Variants in MYO9A observed in about 807,000 individuals in gnomAD.
MYO9A encodes myosin IXA.
A neutral mutation model predicts 293.3 loss-of-function variants in MYO9A; 103 were observed. The ratio of observed to expected loss-of-function variants is 0.35; its 90% CI spans 0.30 to 0.41. The LOEUF (loss-of-function observed/expected upper bound fraction) is 0.41, where lower values mean the gene tolerates loss of function less well. Among genes scored for constraint, MYO9A ranks in the 10% least tolerant of loss-of-function variants. The pLI, the probability that MYO9A is intolerant of heterozygous loss-of-function variation, is 1.00. For missense variants in MYO9A, 2,685 were observed against 3,033.0 expected, an observed-to-expected ratio of 0.89 and a Z score of 2.69; for synonymous variants, 1,001 against 1,035.7, an observed-to-expected ratio of 0.97 and a Z score of 0.64.
At chr15:71,935,256 C>T in intron 17 of MYO9A, 85 bp downstream of exon 17, 1 of 1,359,652 alleles carries the variant, frequency 7.4e-7, no homozygotes, top group Non-Finnish European at 1.0e-6. Flanking sequence ...CACCATCTTC[C>T]TTCTTCATTT....
intron 32 of MYO9A, among the ~76,000 whole-genome samples, chr15:71,867,586 G>T (rs578141216): frequency 1.0e-3 from 144 of 143,964 alleles, no homozygotes; most frequent in African/African-American, 3.6e-3. Flanking sequence ...AACAAAAACA[G>T]ACTGCAGTTA....
At chr15:71,984,042 G>A (rs2076346868) in intron 11 of MYO9A, among the ~76,000 whole-genome samples, 3 of 152,316 alleles carry the variant, frequency 2.0e-5, no homozygotes, top group Admixed American at 1.3e-4. Flanking sequence ...AGATGTCCCT[G>A]ACTTACGATG....
chr15:71,906,385 T>G (rs865894149), intron 19 of MYO9A, among the ~76,000 whole-genome samples: 3 of 152,232 alleles, frequency 2.0e-5, no homozygotes, highest in Admixed American at 2.0e-4. Flanking sequence ...CTACTTACCC[T>G]GTCAATTACC....
chr15:72,006,728 A>G (rs757266003), intron 8 of MYO9A, among the ~76,000 whole-genome samples: 16 of 152,234 alleles, frequency 1.1e-4, no homozygotes, highest in Non-Finnish European at 1.9e-4. Context: ...AATGTAGACC[A>G]TGACAAGAAA....
chr15:71,889,566 C>T (rs1376617766), intron 26 of MYO9A: 1 of 150,964 alleles, frequency 6.6e-6, no homozygotes, highest in Non-Finnish European at 1.5e-5. Flanking sequence ...AGTTATCCTC[C>T]TGCCTCAGCC....
At position 71,823,902 on chromosome 15, in the gene MYO9A, G is replaced by GTGAT. The variant is rs2054364268; in HGVS notation, c.*2674_*2677dup. ...ATATTAAGGGCTAACAGTTTCATAA[G>GTGAT]TGATTGTAATGCGGCATCACTTTGT... is the stretch of plus-strand genomic sequence containing the variant. On this transcript the variant is annotated 3_prime_UTR_variant, in exon 42 of 42. Transcript: ENST00000356056. 6.6e-6 allele frequency: 1 copy of GTGAT among 152,248 alleles called. No homozygotes were observed. Among genetic ancestry groups the GTGAT allele is most frequent in the South Asian group, 2.1e-4 (1 of 4,832 alleles). 9.4% of individuals were successfully genotyped at this position (152,248 alleles called of 1,614,324 possible).
chr15:72,015,749 G>A (rs535856273), intron 6 of MYO9A, among the ~76,000 whole-genome samples: 10 of 147,618 alleles, frequency 6.8e-5, no homozygotes, highest in Middle Eastern at 3.6e-3. Flanking sequence ...GTGCAGTGGC[G>A]TGATCTCGGC....
rs2056753739 is a variant in MYO9A at position 71,878,209 on chromosome 15, C to T, written c.5762G>A (p.Arg1921Gln). The change falls in exon 31 of 42, where the codon CGG becomes CAG. Residue 1921 changes from arginine (R) to glutamine (Q), a missense_variant. Around this residue, in one of 10 missense-constraint regions of MYO9A, gnomAD observed 1,434 missense variants for 1,497.7 expected, o/e 0.96. Transcript: ENST00000356056. ...ALAMDDGKSI[R>Q]YKDLYALFEQ... is the part of the protein sequence containing the mutation. ...AAATAGTGCATAGAGGTCTTTATAC[C>T]GTATGCTTTTCCCATCATCCATCTA... is the stretch of plus-strand genomic sequence containing the variant. The T allele has an allele frequency of 1.9e-6, 3 of 1,554,754 alleles. No homozygotes were observed. Among genetic ancestry groups the T allele is most frequent in the African/African-American group, 1.4e-5 (1 of 71,904 alleles).
intron 14 of MYO9A, among the ~76,000 whole-genome samples, chr15:71,956,812 T>C (rs2059208788): frequency 1.4e-5 from 2 of 146,852 alleles, no homozygotes; most frequent in Non-Finnish European, 3.0e-5. Context: ...GCTATATATA[T>C]ATGCTATATA....
intron 3 of MYO9A, among the ~76,000 whole-genome samples, chr15:72,029,275 C>T (rs2077786507): frequency 6.6e-6 from 1 of 152,222 alleles, no homozygotes; most frequent in African/African-American, 2.4e-5. Context: ...TATCACTTAA[C>T]TACAGAGGTA....
chr15:71,880,598 TAA>T, intron 28 of MYO9A, 40 bp from the exon 29 acceptor site: 1 of 1,510,262 alleles, frequency 6.6e-7, no homozygotes, highest in South Asian at 1.2e-5. Context: ...ACACATTTAG[TAA>T]ATATATTGAT....
At chr15:71,859,933 T>C (rs1162234380) in intron 33 of MYO9A, 137 bp from the exon 34 acceptor site, 1 of 630,980 alleles carries the variant, frequency 1.6e-6, no homozygotes, top group African/African-American at 1.8e-5. Context: ...ACATACTTTG[T>C]ACAATGGTGT....
At position 71,959,916 on chromosome 15, in the gene MYO9A, T is replaced by G. The variant is rs368045320; in HGVS notation, c.2167A>C (p.Ile723Leu). Residue 723 changes from isoleucine to leucine, a missense_variant, in exon 14 of 42, where the codon ATT becomes CTT. By Grantham distance (5) the Ile-to-Leu change is conservative (BLOSUM62 2). Transcript: ENST00000356056. ...VAFREAGKRN[I>L]HRKTGHDDTA... ...TACTACTTACCAGTTTTTCTGTGAA[T>G]GTTTCTTTTCCCAGCTTCCCTGAAA... The G allele has an allele frequency of 6.2e-7, 1 of 1,612,756 alleles. No individual in the cohort carries two copies. Among genetic ancestry groups the G allele is most frequent in the African/African-American group, 1.3e-5 (1 of 74,866 alleles).
At chr15:71,828,104 G>A in intron 40 of MYO9A, 78 bp from the exon 41 acceptor site, 1 of 1,490,212 alleles carries the variant, frequency 6.7e-7, no homozygotes, top group South Asian at 1.3e-5. Flanking sequence ...ATCCTCCATG[G>A]AAGTCAGGAA....
chr15:71,951,221 T>C (rs543504308), intron 15 of MYO9A, among the ~76,000 whole-genome samples: 1 of 152,278 alleles, frequency 6.6e-6, no homozygotes, highest in Non-Finnish European at 1.5e-5. Flanking sequence ...TACACAAAAA[T>C]AACATTTGCT....
intron 27 of MYO9A, among the ~76,000 whole-genome samples, chr15:71,884,977 A>T (rs71395045): frequency 0.019 from 2,534 of 130,888 alleles, 22 homozygotes; most frequent in East Asian, 0.03. Flanking sequence ...TTTTTTTTTT[A>T]AAAAAAAGCT....
rs546587128 is a variant in MYO9A at position 71,901,165 on chromosome 15, C to G, written c.3150+26G>C. Reference sequence around the variant, plus strand: ...AAAGGCCAAATAAACTAGTCAATCTCATGCAAAGAATCCTTTGCTTCTCAC... The same window carrying G: ...AAAGGCCAAATAAACTAGTCAATCTGATGCAAAGAATCCTTTGCTTCTCAC... On this transcript the variant is annotated intron_variant, in intron 23 of 41. Coordinates refer to ENST00000356056, the MANE Select transcript of MYO9A (RefSeq NM_006901.4). 26 of 1,596,106 alleles carry G rather than the reference C, an allele frequency of 1.6e-5. No individual in the cohort carries two copies. The South Asian group carries it at 2.5e-4, about 15-fold the overall frequency.
Position 71,897,795 on chromosome 15 carries a change from C to G in MYO9A, c.4708G>C (p.Glu1570Gln), listed in dbSNP as rs1231052092. ...LLSLNTSNKG[E>Q]LNVLGSLSLK... is the part of the protein sequence containing the mutation. ...GATAGGGACCCCAGTACATTAAGTT[C>G]TCCCTTATTTGAGGTATTTAAGCTG... is the stretch of plus-strand genomic sequence containing the variant. Residue 1570 changes from glutamate (E) to glutamine (Q), a missense_variant, in exon 25 of 42, where the codon GAA (glutamate) becomes CAA (glutamine). Around this residue, in one of 10 missense-constraint regions of MYO9A, gnomAD observed 1,434 missense variants for 1,497.7 expected, o/e 0.96. Transcript: ENST00000356056. The G allele has an allele frequency of 1.9e-6, 3 of 1,614,018 alleles. No individual in the cohort carries two copies. Among genetic ancestry groups the G allele is most frequent in the East Asian group, 4.5e-5 (2 of 44,874 alleles).
intron 1 of MYO9A, among the ~76,000 whole-genome samples, chr15:72,107,798 C>A (rs201640126): frequency 1.0e-3 from 145 of 142,778 alleles, no homozygotes; most frequent in Non-Finnish European, 1.2e-3. Flanking sequence ...ATTTGAGCAT[C>A]AAAAAAAAAA....
Sources: allele counts gnomAD v4.1 joint callset (sites outside exome capture counted in the v4.1 genomes callset), GRCh38; gene constraint gnomAD v4.1.1; regional missense constraint gnomAD v4.1.1; transcripts MANE v1.5; gene names NCBI Gene and HGNC (gene_info 2026-07-23, HGNC 2026-07-21).